The following ZFAND3 variants were observed in gnomAD, a reference collection of about 807,000 sequenced individuals.
The protein encoded by ZFAND3 is zinc finger AN1-type containing 3.
Under a neutral mutation model 29.6 loss-of-function variants are expected in ZFAND3, and 10 were observed. The ratio of observed to expected loss-of-function variants is 0.34; its 90% CI spans 0.21 to 0.57. The LOEUF (loss-of-function observed/expected upper bound fraction) is 0.57, where lower values mean the gene tolerates loss of function less well. Among genes scored for constraint, ZFAND3 ranks in the 20% least tolerant of loss-of-function variants. The pLI is 0.86. For synonymous variants in ZFAND3, 128 were observed against 112.6 expected, an observed-to-expected ratio of 1.14 and a Z score of -0.87; for missense variants, 230 against 304.5, an observed-to-expected ratio of 0.76 and a Z score of 1.82.
chr6:37,970,166 G>T (rs1481874544), intron 2 of ZFAND3, among the ~76,000 whole-genome samples: 6 of 151,900 alleles, frequency 3.9e-5, no homozygotes, highest in Non-Finnish European at 7.4e-5. Context: ...AAATAATTTA[G>T]TATCATTAAA....
At chr6:37,888,286 G>A (rs1432888717) in intron 1 of ZFAND3, among the ~76,000 whole-genome samples, 1 of 152,166 alleles carries the variant, frequency 6.6e-6, no homozygotes, top group African/African-American at 2.4e-5. Flanking sequence ...AGACTTGCAA[G>A]TTTGAATGTC....
chr6:38,097,413 T>G (rs990825089), intron 4 of ZFAND3, among the ~76,000 whole-genome samples: 2 of 152,086 alleles, frequency 1.3e-5, no homozygotes, highest in African/African-American at 4.8e-5. Context: ...TATATCTCTT[T>G]GTTATGTGAG....
intron 2 of ZFAND3, among the ~76,000 whole-genome samples, chr6:38,052,326 G>A (rs1342027192): frequency 6.6e-6 from 1 of 152,198 alleles, no homozygotes; most frequent in Non-Finnish European, 1.5e-5. Context: ...TTTTATATGT[G>A]TGGGGATAAT....
At chr6:38,031,076 C>G (rs1424500049) in intron 2 of ZFAND3, among the ~76,000 whole-genome samples, 1 of 152,144 alleles carries the variant, frequency 6.6e-6, no homozygotes, top group East Asian at 1.9e-4. Context: ...TGGAAAGAGC[C>G]AACCTTTCTT....
At chr6:37,921,277 G>A (rs1186662229) in intron 1 of ZFAND3, among the ~76,000 whole-genome samples, 1 of 152,084 alleles carries the variant, frequency 6.6e-6, no homozygotes, top group Non-Finnish European at 1.5e-5. Flanking sequence ...TTTCTTTGTA[G>A]TCTAGATTTT....
intron 4 of ZFAND3, among the ~76,000 whole-genome samples, chr6:38,108,554 C>T (rs533943880): frequency 3.3e-5 from 5 of 152,258 alleles, no homozygotes; most frequent in Admixed American, 1.3e-4. Flanking sequence ...AGTCTGATGT[C>T]CAAGGGCAGG....
chr6:37,971,378 G>C (rs1762384820), intron 2 of ZFAND3, among the ~76,000 whole-genome samples: 1 of 152,084 alleles, frequency 6.6e-6, no homozygotes. Context: ...TTAAATTTTT[G>C]CTTATACTTG....
chr6:38,029,947 T>C (rs1763520528), intron 2 of ZFAND3, among the ~76,000 whole-genome samples: 1 of 151,466 alleles, frequency 6.6e-6, no homozygotes, highest in East Asian at 1.9e-4. Flanking sequence ...ATTCTGTATT[T>C]AGTGCTTTTC....
rs1292039972 is a variant in ZFAND3 at position 38,043,506 on chromosome 6, TCCTCCCTC to T, written c.113-18082_113-18075del. Among the ~76,000 whole-genome samples, 177 of 147,952 alleles carry T rather than the reference TCCTCCCTC, an allele frequency of 1.2e-3. 1 individual carries two copies. Among genetic ancestry groups the T allele is most frequent in the African/African-American group, 1.4e-3 (57 of 40,074 alleles). ...TAGCTTTTCTCTTTTCTTCCTCCCT[TCCTCCCTC>T]CCTCTCTCCTTTTCTCCCCTCTCCC... On this transcript the variant is annotated intron_variant, in intron 2 of 5. Transcript: ENST00000287218.
At chr6:37,870,063 G>A (rs1222525752) in intron 1 of ZFAND3, among the ~76,000 whole-genome samples, 2 of 151,718 alleles carry the variant, frequency 1.3e-5, no homozygotes, top group Non-Finnish European at 2.9e-5. Flanking sequence ...CACAAATTTC[G>A]GTACGTTGTG....
chr6:37,997,747 C>T (rs1762875580), intron 2 of ZFAND3, among the ~76,000 whole-genome samples: 1 of 152,192 alleles, frequency 6.6e-6, no homozygotes, highest in African/African-American at 2.4e-5. Context: ...GTGCCTGACA[C>T]ATAGTAGGCC....
At chr6:38,023,369 A>G (rs901582159) in intron 2 of ZFAND3, among the ~76,000 whole-genome samples, 3 of 152,208 alleles carry the variant, frequency 2.0e-5, no homozygotes, top group African/African-American at 7.2e-5. Context: ...ATTTTAAGAC[A>G]TTTCAATAAC....
At chr6:37,842,902 A>G (rs1561907884) in intron 1 of ZFAND3, among the ~76,000 whole-genome samples, 1 of 151,800 alleles carries the variant, frequency 6.6e-6, no homozygotes, top group Non-Finnish European at 1.5e-5. Context: ...TGGGTGGGTC[A>G]CTTGAGGTCT....
intron 1 of ZFAND3, among the ~76,000 whole-genome samples, chr6:37,837,521 T>G (rs1369638498): frequency 6.6e-6 from 1 of 151,518 alleles, no homozygotes; most frequent in African/African-American, 2.4e-5. Flanking sequence ...TTTTTTTTTT[T>G]GAGATAGAAT....
chr6:38,145,086 G>T (rs1348815703), intron 5 of ZFAND3, among the ~76,000 whole-genome samples: 1 of 152,162 alleles, frequency 6.6e-6, no homozygotes, highest in African/African-American at 2.4e-5. Context: ...AAGGGTAGAG[G>T]CCTCACCTCA....
At chr6:38,119,751 A>G (rs1765492338) in intron 5 of ZFAND3, among the ~76,000 whole-genome samples, 1 of 152,350 alleles carries the variant, frequency 6.6e-6, no homozygotes, top group Admixed American at 6.5e-5. Context: ...TAAAAATTCC[A>G]TTAAATTACA....
intron 4 of ZFAND3, among the ~76,000 whole-genome samples, chr6:38,087,620 A>G (rs1246228774): frequency 1.3e-5 from 2 of 152,256 alleles, no homozygotes; most frequent in African/African-American, 4.8e-5. Context: ...AGAGAACTAC[A>G]AATCAAAACT....
chr6:37,944,307 A>T (rs149740941), intron 2 of ZFAND3, among the ~76,000 whole-genome samples: 2 of 152,180 alleles, frequency 1.3e-5, no homozygotes, highest in African/African-American at 4.8e-5. Context: ...AATTTCCCCA[A>T]ACTTGATGAA....
In ZFAND3 at chr6:38,152,347, A is replaced by G. The variant is rs1034053349; in HGVS notation, c.642A>G (p.Lys214=). 3.7e-6 allele frequency: 6 copies of G among 1,609,082 alleles called. No homozygotes were observed. Among genetic ancestry groups the G allele is most frequent in the Non-Finnish European group, 4.2e-6 (5 of 1,177,976 alleles). ...AIMKMVKLDR[K]VGRSCQRIGE... ...TGAAAATGGTGAAGCTGGACCGGAA[A>G]GTGGGGCGCTCCTGCCAGCGCATCG... Residue 214 remains lysine (K), a synonymous_variant, in exon 6 of 6, where the codon AAA becomes AAG. Transcript: ENST00000287218.
Sources: gnomAD v4.1 joint callset for allele counts (sites outside exome capture counted in the v4.1 genomes callset) on GRCh38, gnomAD v4.1.1 for gene constraint, MANE v1.5 for transcripts, NCBI Gene and HGNC (gene_info 2026-07-23, HGNC 2026-07-21) for gene names.